Variants in KCNJ6 observed in about 807,000 individuals in gnomAD.
KCNJ6 encodes the protein G protein-activated inward rectifier potassium channel 2.
In KCNJ6, 9 loss-of-function variants were observed where a neutral mutation model predicts 34.2. The observed-to-expected ratio is 0.26, with a 90% confidence interval of 0.16 to 0.46. The LOEUF (loss-of-function observed/expected upper bound fraction) is 0.46. Among genes scored for constraint, KCNJ6 ranks in the 20% least tolerant of loss-of-function variants. The pLI is 1.00. For synonymous variants in KCNJ6, 196 were observed against 207.1 expected (o/e 0.95, Z 0.46); for missense variants, 236 against 531.3 (o/e 0.44, Z 5.46).
At chr21:37,669,227 C>T (rs2054530975) in intron 3 of KCNJ6, among the ~76,000 whole-genome samples, 1 of 152,182 alleles carries the variant, frequency 6.6e-6, no homozygotes, top group African/African-American at 2.4e-5. Flanking sequence ...CCCCACCTTC[C>T]AGTTGTCCTG....
At chr21:37,740,882 A>G (rs2054937899) in intron 2 of KCNJ6, among the ~76,000 whole-genome samples, 1 of 152,198 alleles carries the variant, frequency 6.6e-6, no homozygotes, top group Non-Finnish European at 1.5e-5. Context: ...AATCTGATAA[A>G]CACTCCAGCT....
chr21:37,874,567 C>T (rs943346115), intron 1 of KCNJ6, among the ~76,000 whole-genome samples: 1 of 152,130 alleles, frequency 6.6e-6, no homozygotes, highest in African/African-American at 2.4e-5. Context: ...TTTATGCATT[C>T]AAAAGTCTTT....
At chr21:37,758,803 T>G (rs985612274) in intron 2 of KCNJ6, among the ~76,000 whole-genome samples, 18 of 152,152 alleles carry the variant, frequency 1.2e-4, no homozygotes, top group African/African-American at 4.3e-4. Context: ...CCTACTTTTT[T>G]GTTTTTTTGT....
intron 2 of KCNJ6, 93 bp from the exon 3 acceptor site, chr21:37,715,224 C>A: frequency 9.4e-7 from 1 of 1,067,664 alleles, no homozygotes; most frequent in Non-Finnish European, 1.3e-6. Context: ...CTGGTGAAAC[C>A]AAATACCATT....
chr21:37,667,194 G>C, intron 3 of KCNJ6, among the ~76,000 whole-genome samples: 1 of 96,124 alleles, frequency 1.0e-5, no homozygotes, highest in Admixed American at 1.1e-4. Context: ...ATTAAATGAG[G>C]CAACGCAGGC....
intron 2 of KCNJ6, among the ~76,000 whole-genome samples, chr21:37,833,778 G>A (rs192278939): frequency 6.6e-6 from 1 of 152,300 alleles, no homozygotes; most frequent in East Asian, 1.9e-4. Context: ...ATCCTAGAGA[G>A]TAGGGAGTTC....
At chr21:37,783,990 T>C (rs1008981222) in intron 2 of KCNJ6, among the ~76,000 whole-genome samples, 1 of 152,230 alleles carries the variant, frequency 6.6e-6, no homozygotes, top group African/African-American at 2.4e-5. Context: ...GATATTGGAC[T>C]TCCAGCCTCC....
intron 1 of KCNJ6, among the ~76,000 whole-genome samples, chr21:37,864,530 G>A (rs1287569260): frequency 6.6e-6 from 1 of 152,182 alleles, no homozygotes; most frequent in African/African-American, 2.4e-5. Flanking sequence ...GAAACCTAGA[G>A]AGAACTAGAC....
chr21:37,733,114 C>T (rs545277003), intron 2 of KCNJ6, among the ~76,000 whole-genome samples: 1 of 152,326 alleles, frequency 6.6e-6, no homozygotes, highest in South Asian at 2.1e-4. Context: ...TAAGTGTTAG[C>T]ATTTTGAACA....
rs2054262756 is a variant in KCNJ6, at chr21:37,615,287, C to G, written c.*9872G>C. ...TTTTTTTTTGAGACGGAGTCTCGCT[C>G]TGTCGCCCAGGTCGGACTGCGGACT... On this transcript the variant is annotated 3_prime_UTR_variant, in exon 4 of 4. Coordinates refer to ENST00000609713, the MANE Select transcript of KCNJ6 (RefSeq NM_002240.5). 1.5e-5 allele frequency: 2 copies of G among 134,256 alleles called. No individual in the cohort carries two copies. The highest frequency in any genetic ancestry group is 4.8e-4 in the South Asian group (2 of 4,166). 8.3% of individuals were successfully genotyped at this position (134,256 alleles called of 1,614,324 possible). A position where few individuals can be genotyped will look rare whatever the true frequency, so the allele number is the denominator to read the frequency against.
chr21:37,748,931 G>A (rs1205286253), intron 2 of KCNJ6, among the ~76,000 whole-genome samples: 1 of 152,174 alleles, frequency 6.6e-6, no homozygotes, highest in East Asian at 1.9e-4. Context: ...TCTTTGCACT[G>A]TGCTGTCTTA....
intron 3 of KCNJ6, among the ~76,000 whole-genome samples, chr21:37,707,735 G>GTGTGTGTATGTGTGC (rs1267356647): frequency 2.0e-5 from 3 of 149,680 alleles, no homozygotes; most frequent in Non-Finnish European, 2.9e-5. Flanking sequence ...GTGTGTGTGT[G>GTGTGTGTATGTGTGC]AATAATTTAC....
At chr21:37,743,398 T>C (rs542689419) in intron 2 of KCNJ6, among the ~76,000 whole-genome samples, 2 of 152,212 alleles carry the variant, frequency 1.3e-5, no homozygotes, top group Admixed American at 1.3e-4. Context: ...GCTGTTTGGG[T>C]ACCTGCCATG....
At chr21:37,785,999 T>C (rs551083529) in intron 2 of KCNJ6, among the ~76,000 whole-genome samples, 1 of 152,350 alleles carries the variant, frequency 6.6e-6, no homozygotes, top group South Asian at 2.1e-4. Context: ...CCTCCAGAGC[T>C]GTGAGAAATA....
rs2055176731 is a variant in KCNJ6 at position 37,782,985 on chromosome 21, TC to T, written c.25+57672del. On this transcript the variant is annotated intron_variant, in intron 2 of 3. Coordinates refer to ENST00000609713, the MANE Select transcript of KCNJ6 (RefSeq NM_002240.5). The stretch of plus-strand genomic sequence containing the variant: ...CAAACATTTTAATTCCAGGCTGACT[TC>T]CTCCTGCCACCCGGCCCACCTCTGA... Among the ~76,000 whole-genome samples, 3 of 152,170 alleles carry T rather than the reference TC, an allele frequency of 2.0e-5. No homozygotes were observed. The South Asian group carries it at 6.2e-4, about 31-fold the overall frequency.
At position 37,612,669 on chromosome 21, in the gene KCNJ6, G is replaced by A. The variant is rs1235047510; in HGVS notation, c.*12490C>T. 2 of 145,468 alleles carry A rather than the reference G, an allele frequency of 1.4e-5. No homozygotes were observed. Among genetic ancestry groups the A allele is most frequent in the Admixed American group, 1.4e-4 (2 of 14,298 alleles). The allele number at this position is 145,468 out of a possible 1,614,324, so 9.0% of individuals were successfully genotyped here. A position where few individuals can be genotyped will look rare whatever the true frequency, so the allele number is the denominator to read the frequency against. ...AGCACAGGCAAAACAGTGCGGCAAAGAGGGTCTTTTCAACAAACGGTGTTG... is the reference window on the plus strand; with the variant it reads ...AGCACAGGCAAAACAGTGCGGCAAAAAGGGTCTTTTCAACAAACGGTGTTG... On this transcript the variant is annotated 3_prime_UTR_variant, in exon 4 of 4. Coordinates refer to ENST00000609713, the MANE Select transcript of KCNJ6 (RefSeq NM_002240.5).
At chr21:37,769,490 T>C (rs1388992505) in intron 2 of KCNJ6, among the ~76,000 whole-genome samples, 1 of 151,458 alleles carries the variant, frequency 6.6e-6, no homozygotes, top group Non-Finnish European at 1.5e-5. Flanking sequence ...AAACTCAACA[T>C]AGGCAATATA....
Position 37,641,169 on chromosome 21 carries a change from G to A in KCNJ6, c.947-15685C>T, listed in dbSNP as rs372409120. Among the ~76,000 whole-genome samples the A allele has an allele frequency of 3.3e-5, 5 of 152,258 alleles. No individual in the cohort carries two copies. The South Asian group carries it at 6.2e-4, about 19-fold the overall frequency. On this transcript the variant is annotated intron_variant, in intron 3 of 3. Coordinates refer to ENST00000609713, the MANE Select transcript of KCNJ6 (RefSeq NM_002240.5). The stretch of plus-strand genomic sequence containing the variant: ...TTGTCTGTATCTCTCTCAAGTCTGG[G>A]GATGGGGGTTTCTGTGGGCAGGAGC...
intron 3 of KCNJ6, among the ~76,000 whole-genome samples, chr21:37,656,113 C>T (rs766853372): frequency 2.6e-5 from 4 of 152,156 alleles, no homozygotes; most frequent in East Asian, 3.9e-4. Flanking sequence ...CTGGACTCAG[C>T]GTGATGCTGC....
Sources: gnomAD v4.1 joint callset for allele counts (sites outside exome capture counted in the v4.1 genomes callset) on GRCh38, gnomAD v4.1.1 for gene constraint, MANE v1.5 for transcripts, NCBI Gene and HGNC (gene_info 2026-07-23, HGNC 2026-07-21) for gene names.